COL26A1: variants seen among roughly 807,000 people sequenced by gnomAD.
COL26A1 encodes collagen type XXVI alpha 1 chain, also known as collagen alpha-1(XXVI) chain.
In COL26A1, 41 loss-of-function variants were observed where a neutral mutation model predicts 59.3. The observed-to-expected ratio is 0.69, with a 90% CI of 0.54 to 0.90. The LOEUF (loss-of-function observed/expected upper bound fraction) is 0.90. COL26A1 is among the 40% of genes least tolerant of loss of function. COL26A1 has a pLI of 0.00. For missense variants in COL26A1, 612 were observed against 602.3 expected, an observed-to-expected ratio of 1.02 and a Z score of -0.17; for synonymous variants, 266 against 256.0, an observed-to-expected ratio of 1.04 and a Z score of -0.37.
At position 101,362,966 on chromosome 7, in the gene COL26A1, G is replaced by C; in HGVS notation, c.-67G>C. 6.7e-7 allele frequency: 1 copy of C among 1,482,232 alleles called. No individual in the cohort carries two copies. Among genetic ancestry groups the C allele is most frequent in the South Asian group, 1.3e-5 (1 of 78,066 alleles). The allele number at this position is 1,482,232 out of a possible 1,614,324, so 91.8% of individuals were successfully genotyped here. ...CCGGCCGGTGCCGCGGGTTCGGTCC[G>C]GGCGCCGGTGCGCTCCTGCCGGTCC... On this transcript the variant is annotated 5_prime_UTR_variant, in exon 1 of 13. Transcript: ENST00000313669.
At chr7:101,520,347 T>A (rs1795114245) in intron 3 of COL26A1, among the ~76,000 whole-genome samples, 1 of 152,136 alleles carries the variant, frequency 6.6e-6, no homozygotes, top group African/African-American at 2.4e-5. Context: ...CCCAGCCTCC[T>A]GATAGCAGAG....
intron 2 of COL26A1, among the ~76,000 whole-genome samples, chr7:101,426,452 A>T (rs1185564099): frequency 2.0e-5 from 3 of 152,134 alleles, no homozygotes; most frequent in African/African-American, 4.8e-5. Flanking sequence ...CTGTGTGTCC[A>T]CCATGACCTT....
chr7:101,419,482 G>T (rs1252804523), intron 1 of COL26A1, among the ~76,000 whole-genome samples: 1 of 152,066 alleles, frequency 6.6e-6, no homozygotes, highest in Non-Finnish European at 1.5e-5. Flanking sequence ...CTGTTACACC[G>T]CTGCTTCCCC....
chr7:101,382,088 T>C (rs146824849), intron 1 of COL26A1, among the ~76,000 whole-genome samples: 142 of 152,292 alleles, frequency 9.3e-4, no homozygotes, highest in African/African-American at 3.3e-3. Context: ...TTGGCCTGTT[T>C]CCTGGGCTAG....
chr7:101,455,411 A>G (rs1005560453), intron 3 of COL26A1, among the ~76,000 whole-genome samples: 2 of 151,816 alleles, frequency 1.3e-5, no homozygotes, highest in Admixed American at 6.6e-5. Flanking sequence ...GTAGTATTAC[A>G]CCTCTCACTT....
intron 1 of COL26A1, among the ~76,000 whole-genome samples, chr7:101,389,702 C>A (rs770844008): frequency 1.5e-4 from 23 of 152,030 alleles, no homozygotes; most frequent in Non-Finnish European, 3.2e-4. Context: ...TACAGGCATG[C>A]GCCACCATGC....
intron 2 of COL26A1, among the ~76,000 whole-genome samples, chr7:101,422,123 C>T (rs905783203): frequency 2.0e-5 from 3 of 151,904 alleles, no homozygotes; most frequent in African/African-American, 7.3e-5. Context: ...ACTAGCATGA[C>T]CAACATGGTG....
intron 3 of COL26A1, among the ~76,000 whole-genome samples, chr7:101,512,774 A>G (rs1794952991): frequency 6.6e-6 from 1 of 152,194 alleles, no homozygotes; most frequent in African/African-American, 2.4e-5. Flanking sequence ...AAAAAGTAAT[A>G]GGTCCTTACC....
chr7:101,553,142 C>T (rs149756024), intron 10 of COL26A1, 184 bp from the exon 11 acceptor site: 107 of 548,504 alleles, frequency 2.0e-4, no homozygotes, highest in Middle Eastern at 1.7e-3. Flanking sequence ...GGCTGTGCCC[C>T]GGAGCCGTGG....
chr7:101,374,429 G>A (rs1791262044), intron 1 of COL26A1, among the ~76,000 whole-genome samples: 1 of 152,196 alleles, frequency 6.6e-6, no homozygotes, highest in Admixed American at 6.5e-5. Flanking sequence ...GGGCCGCACA[G>A]CAGGAGGTGA....
intron 5 of COL26A1, among the ~76,000 whole-genome samples, 169 bp from the exon 6 acceptor site, chr7:101,543,829 T>C (rs1257750789): frequency 6.6e-6 from 1 of 152,206 alleles, no homozygotes; most frequent in East Asian, 1.9e-4. Flanking sequence ...GGTTTGTAAG[T>C]TGTAATAACC....
At chr7:101,520,999 G>C (rs1022214461) in intron 3 of COL26A1, among the ~76,000 whole-genome samples, 14 of 152,148 alleles carry the variant, frequency 9.2e-5, no homozygotes, top group African/African-American at 3.4e-4. Context: ...CCTCAGACTG[G>C]GTAATTGACG....
chr7:101,367,244 C>T (rs1332565920), intron 1 of COL26A1, among the ~76,000 whole-genome samples: 1 of 152,148 alleles, frequency 6.6e-6, no homozygotes, highest in Non-Finnish European at 1.5e-5. Flanking sequence ...TGTGTCCCCA[C>T]CAAATTCATA....
chr7:101,466,823 TGTGTGTGTGTGTGTGA>T (rs1236346348), intron 3 of COL26A1, among the ~76,000 whole-genome samples: 3 of 126,104 alleles, frequency 2.4e-5, no homozygotes, highest in African/African-American at 9.6e-5. Context: ...TGTGTGTGTG[TGTGTGTGTGTGTGTGA>T]GAGAGAGAGA....
At position 101,442,958 on chromosome 7, in the gene COL26A1, TGTTA is replaced by T. The variant is rs762533511; in HGVS notation, c.282-4722_282-4719del. On this transcript the variant is annotated intron_variant, in intron 2 of 12. Coordinates refer to ENST00000313669, the MANE Select transcript of COL26A1 (RefSeq NM_001278563.3). ...GTGACTGTGTGAGGGTGTGCGTATG[TGTTA>T]GTTTGTGAGAGCTTGCAAGTAAGTT... is the stretch of plus-strand genomic sequence containing the variant. Among the ~76,000 whole-genome samples the T allele has an allele frequency of 4.5e-4, 69 of 152,186 alleles. 1 individual carries two copies. Among genetic ancestry groups the T allele is most frequent in the Admixed American group, 9.2e-4 (14 of 15,282 alleles).
intron 3 of COL26A1, among the ~76,000 whole-genome samples, chr7:101,486,957 C>G (rs544324252): frequency 1.8e-4 from 27 of 152,304 alleles, no homozygotes; most frequent in Middle Eastern, 3.4e-3. Flanking sequence ...ACCGGGAACC[C>G]GGGCACAGTC....
chr7:101,472,013 C>A (rs1793918292), intron 3 of COL26A1, among the ~76,000 whole-genome samples: 1 of 151,416 alleles, frequency 6.6e-6, no homozygotes, highest in Admixed American at 6.6e-5. Flanking sequence ...TAAAGCAAAA[C>A]TTTTTTTTTG....
At position 101,404,994 on chromosome 7, in the gene COL26A1, C is replaced by T. The variant is rs530417568; in HGVS notation, c.159-14983C>T. Among the ~76,000 whole-genome samples, 29 of 152,244 alleles carry T rather than the reference C, an allele frequency of 1.9e-4. No homozygotes were observed. In the South Asian group the frequency reaches 5.0e-3, roughly 26 times the overall value. On this transcript the variant is annotated intron_variant, in intron 1 of 12. Transcript: ENST00000313669. ...ATCCCAGCACTTTGGGAGGCGGAGG[C>T]GGGCAGATCACAAGGTCAGGAGATC...
At chr7:101,495,571 G>T (rs1584461918) in intron 3 of COL26A1, among the ~76,000 whole-genome samples, 1 of 151,892 alleles carries the variant, frequency 6.6e-6, no homozygotes, top group East Asian at 2.0e-4. Flanking sequence ...ACCATGCCAG[G>T]CTATTTTTAT....
Sources: allele counts gnomAD v4.1 joint callset (sites outside exome capture counted in the v4.1 genomes callset), GRCh38; gene constraint gnomAD v4.1.1; transcripts MANE v1.5; gene names NCBI Gene and HGNC (gene_info 2026-07-23, HGNC 2026-07-21).